RP1: variants seen among roughly 807,000 people sequenced by gnomAD.
RP1 encodes RP1 axonemal microtubule associated, also known as oxygen-regulated protein 1.
In RP1, 16 loss-of-function variants were observed where a neutral mutation model predicts 14.8. The ratio of observed to expected loss-of-function variants is 1.08; its 90% confidence interval spans 0.73 to 1.65. RP1 has a LOEUF of 1.65. Among genes scored for constraint, RP1 ranks in the 40% most tolerant of loss-of-function variants. The pLI, the probability that RP1 is intolerant of heterozygous loss-of-function variation, is 0.00. For missense variants in RP1, 2,631 were observed against 2,535.0 expected, an observed-to-expected ratio of 1.04 and a Z score of -0.81; for synonymous variants, 876 against 883.6, an observed-to-expected ratio of 0.99 and a Z score of 0.15.
intron 1 of RP1, among the ~76,000 whole-genome samples, chr8:54,568,478 G>A (rs1010075060): frequency 2.0e-5 from 3 of 152,186 alleles, no homozygotes; most frequent in Admixed American, 6.5e-5. Flanking sequence ...GAGATATGTT[G>A]TTGAAGATAT....
chr8:54,607,454 A>G (rs904473427), intron 1 of RP1, among the ~76,000 whole-genome samples: 1 of 152,050 alleles, frequency 6.6e-6, no homozygotes, highest in Non-Finnish European at 1.5e-5. Flanking sequence ...GTCTGCCCCT[A>G]CTGGGGGGTG....
intron 12 of RP1, among the ~76,000 whole-genome samples, chr8:54,693,690 A>G (rs113372052): frequency 0.037 from 5,622 of 152,188 alleles, 227 homozygotes; most frequent in African/African-American, 0.092. Context: ...CTTTGCTGAC[A>G]TTGTTTATCA....
At chr8:54,652,098 C>T (rs1806667725) in intron 4 of RP1, among the ~76,000 whole-genome samples, 1 of 151,742 alleles carries the variant, frequency 6.6e-6, no homozygotes, top group African/African-American at 2.4e-5. Context: ...ACCTCTGCCT[C>T]CCGAGTTCAA....
intron 24 of RP1, among the ~76,000 whole-genome samples, chr8:54,812,511 A>G (rs1427829351): frequency 6.6e-6 from 1 of 152,222 alleles, no homozygotes; most frequent in East Asian, 1.9e-4. Flanking sequence ...ATGGTAATAT[A>G]TAGACTCAGT....
intron 22 of RP1, among the ~76,000 whole-genome samples, chr8:54,764,715 A>T (rs1378994059): frequency 6.6e-6 from 1 of 152,234 alleles, no homozygotes; most frequent in Admixed American, 6.5e-5. Flanking sequence ...TGCATGCATT[A>T]ATCAAGACAC....
In RP1 at chr8:54,626,107, C is replaced by G. The variant is rs1806037570; in HGVS notation, c.2225C>G (p.Thr742Ser). 1 of 1,613,330 alleles carries G rather than the reference C, an allele frequency of 6.2e-7. No homozygotes were observed. The highest frequency in any genetic ancestry group is 8.5e-7 in the Non-Finnish European group (1 of 1,179,676). Residue 742 changes from threonine to serine, a missense_variant, in exon 4 of 4, where the codon ACT (threonine) becomes AGT (serine). Coordinates refer to ENST00000220676, the MANE Select transcript of RP1 (RefSeq NM_006269.2). Reference protein sequence around the residue: ...QKSDTVIESNTFCSKSNLNST... With the variant: ...QKSDTVIESNSFCSKSNLNST... ...AGTGATACTGTAATTGAATCAAATA[C>G]TTTTTGTTCCAAAAGTAATCTCAAT...
At position 54,619,903 on chromosome 8, in the gene RP1, C is replaced by T. The variant is rs72650323; in HGVS notation, c.-12-1052C>T. 4.9e-3 allele frequency among the ~76,000 whole-genome samples: 744 copies of T among 152,290 alleles called. 9 individuals are homozygous for T. Among genetic ancestry groups the T allele is most frequent in the South Asian group, 0.04 (192 of 4,818 alleles). ...AGAACTTAATGTCAAGTACATTTTC[C>T]TCCAGACAATTTGAACTTTAAAAAC... On this transcript the variant is annotated intron_variant, in intron 1 of 3. Coordinates refer to ENST00000220676, the MANE Select transcript of RP1 (RefSeq NM_006269.2).
At chr8:54,801,915 T>C (rs532849377) in intron 24 of RP1, among the ~76,000 whole-genome samples, 167 of 152,298 alleles carry the variant, frequency 1.1e-3, no homozygotes, top group African/African-American at 3.9e-3. Flanking sequence ...TTTTTCTAGG[T>C]TTTTCTTTGT....
intron 20 of RP1, chr8:54,755,478 C>G: frequency 1.3e-6 from 1 of 797,124 alleles, no homozygotes. Context: ...TCAATAGACA[C>G]AGAAAATCCA....
chr8:54,682,656 T>C (rs1034897813), intron 12 of RP1, among the ~76,000 whole-genome samples: 1 of 152,164 alleles, frequency 6.6e-6, no homozygotes, highest in African/African-American at 2.4e-5. Flanking sequence ...GGTTTTTTTT[T>C]CTTGTAAATT....
At chr8:54,737,093 G>A (rs1028025369) in intron 18 of RP1, among the ~76,000 whole-genome samples, 3 of 152,134 alleles carry the variant, frequency 2.0e-5, no homozygotes, top group Admixed American at 2.0e-4. Flanking sequence ...TGAGGACAAT[G>A]TGGGATATTT....
chr8:54,740,242 T>C (rs1003880557), intron 19 of RP1, among the ~76,000 whole-genome samples: 1 of 150,816 alleles, frequency 6.6e-6, no homozygotes, highest in African/African-American at 2.4e-5. Flanking sequence ...AGCATTGTTA[T>C]CATAGGAGAT....
intron 24 of RP1, among the ~76,000 whole-genome samples, chr8:54,812,236 A>T (rs1178986396): frequency 6.6e-6 from 1 of 152,072 alleles, no homozygotes; most frequent in Non-Finnish European, 1.5e-5. Flanking sequence ...TGCCTCCCAG[A>T]CTCAAGCGAT....
intron 25 of RP1, among the ~76,000 whole-genome samples, chr8:54,841,296 A>G (rs1304069953): frequency 6.6e-6 from 1 of 152,192 alleles, no homozygotes; most frequent in Non-Finnish European, 1.5e-5. Context: ...CATGGGAAAA[A>G]CACAAGGAGT....
chr8:54,732,427 A>T (rs1384364388), intron 17 of RP1, among the ~76,000 whole-genome samples: 2 of 152,002 alleles, frequency 1.3e-5, no homozygotes, highest in African/African-American at 4.8e-5. Flanking sequence ...CCAGGGTGAG[A>T]CTCTCATTAG....
At chr8:54,759,748 C>A (rs766493959) in intron 22 of RP1, among the ~76,000 whole-genome samples, 2 of 152,136 alleles carry the variant, frequency 1.3e-5, no homozygotes, top group African/African-American at 4.8e-5. Context: ...TGCTTAGCTT[C>A]GGCTAGATGG....
At chr8:54,824,959 TC>T (rs200826895) in intron 24 of RP1, among the ~76,000 whole-genome samples, 3 of 137,732 alleles carry the variant, frequency 2.2e-5, no homozygotes, top group East Asian at 2.1e-4. Context: ...TCTTTTTCTT[TC>T]TTTTTTTTTT....
chr8:54,861,033 A>G (rs1363348032), intron 27 of RP1, among the ~76,000 whole-genome samples: 1 of 152,214 alleles, frequency 6.6e-6, no homozygotes, highest in Non-Finnish European at 1.5e-5. Flanking sequence ...AAAAGTAATT[A>G]CTATAACATG....
intron 22 of RP1, among the ~76,000 whole-genome samples, chr8:54,762,026 G>C (rs1292940669): frequency 6.6e-6 from 1 of 152,160 alleles, no homozygotes; most frequent in Non-Finnish European, 1.5e-5. Context: ...AGCCTGGAAG[G>C]CTGTTCTGAA....
Sources: gnomAD v4.1 joint callset for allele counts (sites outside exome capture counted in the v4.1 genomes callset) on GRCh38, gnomAD v4.1.1 for gene constraint, MANE v1.5 for transcripts, NCBI Gene and HGNC (gene_info 2026-07-23, HGNC 2026-07-21) for gene names.